RGS6: variants seen among roughly 807,000 people sequenced by gnomAD.
RGS6 encodes the protein regulator of G protein signaling 6.
A neutral mutation model predicts 78.5 loss-of-function variants in RGS6; 30 were observed. The ratio of observed to expected loss-of-function variants is 0.38; its 90% CI spans 0.29 to 0.52. The LOEUF is 0.52. RGS6 is among the 20% of genes least tolerant of loss of function. The probability of loss-of-function intolerance (pLI) is 0.85; values close to 1 mark genes in which losing one functional copy is unlikely to be tolerated. For missense variants in RGS6, 495 were observed against 609.7 expected (o/e 0.81, Z 1.98); for synonymous variants, 206 against 206.0 (o/e 1.00, Z 0.00).
intron 10 of RGS6, among the ~76,000 whole-genome samples, chr14:72,475,207 T>C (rs201224370): frequency 0.43 from 60,528 of 140,256 alleles, 12,604 homozygotes; most frequent in East Asian, 0.72. Context: ...TGGTTTTTTT[T>C]TTTTTTTTTT....
At chr14:72,620,005 C>T in the RGS6 span, 9 of 1,525,782 alleles carry the variant, frequency 5.9e-6, no homozygotes, top group Non-Finnish European at 7.9e-6. Flanking sequence ...ACAGAGTAAG[C>T]ACAGAGGAGG....
intron 2 of RGS6, among the ~76,000 whole-genome samples, chr14:72,017,475 T>TTATTAACAAAA (rs1369305475): frequency 1.2e-4 from 19 of 152,350 alleles, no homozygotes; most frequent in Admixed American, 1.2e-3. Flanking sequence ...CTGTTTTTGT[T>TTATTAACAAAA]AATAAAGTTT....
chr14:72,448,843 A>G (rs1013818340), intron 3 of RGS6, among the ~76,000 whole-genome samples: 4 of 152,198 alleles, frequency 2.6e-5, no homozygotes, highest in African/African-American at 9.6e-5. Flanking sequence ...TTGGCATGAA[A>G]TTGCCTGGAT....
chr14:72,252,853 G>T (rs192782148), intron 2 of RGS6, among the ~76,000 whole-genome samples: 7 of 152,238 alleles, frequency 4.6e-5, no homozygotes, highest in Admixed American at 4.6e-4. Flanking sequence ...CTAGATTCAT[G>T]GTCTATTAAC....
chr14:72,268,799 AG>A (rs1437859909), intron 2 of RGS6, among the ~76,000 whole-genome samples: 7 of 152,208 alleles, frequency 4.6e-5, no homozygotes, highest in Admixed American at 1.3e-4. Flanking sequence ...ATTCAGTGTT[AG>A]GCGCTTTATA....
chr14:72,544,835 C>G (rs2097370755), intron 17 of RGS6, among the ~76,000 whole-genome samples: 1 of 152,200 alleles, frequency 6.6e-6, no homozygotes, highest in South Asian at 2.1e-4. Flanking sequence ...CACTCATCCC[C>G]CTCCAGGCAG....
the RGS6 span, among the ~76,000 whole-genome samples, chr14:72,604,815 T>C: frequency 1.3e-5 from 2 of 152,288 alleles, no homozygotes; most frequent in South Asian, 4.1e-4. Context: ...ATTATTTTCC[T>C]CAAGGTTTCA....
intron 2 of RGS6, among the ~76,000 whole-genome samples, chr14:72,207,431 C>T (rs1468581528): frequency 1.3e-5 from 2 of 152,204 alleles, no homozygotes. Context: ...TTCTTGCTTT[C>T]ATCTTGTTCA....
chr14:71,878,846 T>C, the RGS6 span, among the ~76,000 whole-genome samples: 1 of 152,178 alleles, frequency 6.6e-6, no homozygotes, highest in Non-Finnish European at 1.5e-5. Context: ...TCAGTAAGTT[T>C]TTACAAAAAT....
chr14:72,220,708 A>G (rs1276382769), intron 2 of RGS6, among the ~76,000 whole-genome samples: 2 of 152,234 alleles, frequency 1.3e-5, no homozygotes, highest in Non-Finnish European at 2.9e-5. Flanking sequence ...TTATTGCCTC[A>G]ATGTAGTCTC....
chr14:71,970,651 G>A (rs1566931764), intron 2 of RGS6, among the ~76,000 whole-genome samples: 1 of 152,140 alleles, frequency 6.6e-6, no homozygotes, highest in Admixed American at 6.5e-5. Context: ...GGCATGATGA[G>A]GATTAGAAAC....
chr14:71,917,717 C>A, the RGS6 span, among the ~76,000 whole-genome samples: 2 of 152,284 alleles, frequency 1.3e-5, no homozygotes, highest in South Asian at 4.1e-4. Flanking sequence ...AGGGCTGGAA[C>A]TGGGAGATGT....
intron 2 of RGS6, among the ~76,000 whole-genome samples, chr14:71,985,094 A>C (rs2153153712): frequency 6.6e-6 from 1 of 152,262 alleles, no homozygotes. Context: ...CTGTGCCATA[A>C]TATGTCATCA....
chr14:72,596,194 T>A, the RGS6 span, among the ~76,000 whole-genome samples: 1 of 152,102 alleles, frequency 6.6e-6, no homozygotes, highest in Non-Finnish European at 1.5e-5. Context: ...CTAGGGAAAA[T>A]CCACTTTCTT....
intron 13 of RGS6, among the ~76,000 whole-genome samples, chr14:72,502,382 C>T (rs1305810676): frequency 2.6e-5 from 4 of 152,200 alleles, no homozygotes; most frequent in Non-Finnish European, 5.9e-5. Flanking sequence ...GAGAACCACC[C>T]AGTGGAGCCT....
At position 72,016,063 on chromosome 14, in the gene RGS6, A is replaced by T. The variant is rs550269852; in HGVS notation, c.84+51188A>T. ...AGCCGTGCTAAATTTTAATGTAATC[A>T]TATTTATCCATTTCTCCTTTGTGGC... On this transcript the variant is annotated intron_variant, in intron 2 of 17. Coordinates refer to ENST00000553525, the MANE Select transcript of RGS6 (RefSeq NM_001204424.2). Among the ~76,000 whole-genome samples, 7 of 152,280 alleles carry T rather than the reference A, an allele frequency of 4.6e-5. No homozygotes were observed. In the South Asian group the frequency reaches 1.5e-3, roughly 32 times the overall value.
chr14:72,196,142 G>C (rs1344424501), intron 2 of RGS6, among the ~76,000 whole-genome samples: 1 of 152,126 alleles, frequency 6.6e-6, no homozygotes, highest in Non-Finnish European at 1.5e-5. Flanking sequence ...AGATGCGAGA[G>C]ACACGGAGAA....
At chr14:71,934,885 C>T (rs1297630736) in intron 1 of RGS6, among the ~76,000 whole-genome samples, 1 of 152,010 alleles carries the variant, frequency 6.6e-6, no homozygotes, top group African/African-American at 2.4e-5. Flanking sequence ...TGTTTCGTGC[C>T]AGGGGTTAAA....
At chr14:72,624,433 G>T in the RGS6 span, among the ~76,000 whole-genome samples, 1 of 146,440 alleles carries the variant, frequency 6.8e-6, no homozygotes, top group Non-Finnish European at 1.5e-5. Flanking sequence ...CCTTCTCCCG[G>T]GCTCAAGCAA....
Sources: gnomAD v4.1 joint callset for allele counts (sites outside exome capture counted in the v4.1 genomes callset) on GRCh38, gnomAD v4.1.1 for gene constraint, MANE v1.5 for transcripts, NCBI Gene and HGNC (gene_info 2026-07-23, HGNC 2026-07-21) for gene names.